The following TUBE1 variants were observed in gnomAD, a reference collection of about 807,000 sequenced individuals.
TUBE1 encodes tubulin epsilon 1.
In TUBE1, 34 loss-of-function variants were observed where a neutral mutation model predicts 53.5. The ratio of observed to expected loss-of-function variants is 0.64; its 90% CI spans 0.48 to 0.85. The LOEUF (loss-of-function observed/expected upper bound fraction) is 0.85. TUBE1 is among the 40% of genes least tolerant of loss of function. The probability of loss-of-function intolerance (pLI) is 0.00; values close to 1 mark genes in which losing one functional copy is unlikely to be tolerated. For missense variants in TUBE1, 532 were observed against 570.5 expected, an observed-to-expected ratio of 0.93 and a Z score of 0.69; for synonymous variants, 177 against 198.4, an observed-to-expected ratio of 0.89 and a Z score of 0.91.
At chr6:112,074,661 T>A (rs782128167) in intron 9 of TUBE1, 49 bp downstream of exon 9, 17 of 1,364,040 alleles carry the variant, frequency 1.2e-5, no homozygotes, top group African/African-American at 3.0e-5. Context: ...AAAAATGTTT[T>A]TTAAAGTAAT....
chr6:112,080,745 G>T (rs1431262727), intron 5 of TUBE1, among the ~76,000 whole-genome samples: 1 of 151,992 alleles, frequency 6.6e-6, no homozygotes, highest in African/African-American at 2.4e-5. Context: ...TCTACCAATT[G>T]TATTACATCT....
At chr6:112,078,649 AG>A (rs1777014990) in intron 6 of TUBE1, 1 of 152,078 alleles carries the variant, frequency 6.6e-6, no homozygotes, top group Admixed American at 6.5e-5. Flanking sequence ...GTGAATTGTA[AG>A]TATGTTCTTC....
At chr6:112,074,142 C>T (rs1776915429) in intron 9 of TUBE1, among the ~76,000 whole-genome samples, 1 of 152,174 alleles carries the variant, frequency 6.6e-6, no homozygotes, top group Non-Finnish European at 1.5e-5. Flanking sequence ...TTTTCAAGCT[C>T]ATCATCAGTA....
At chr6:112,073,033 T>A in intron 9 of TUBE1, 135 bp from the exon 10 acceptor site, 1 of 504,140 alleles carries the variant, frequency 2.0e-6, no homozygotes, top group Non-Finnish European at 3.0e-6. Flanking sequence ...TTATATATAT[T>A]CTAAAAATAT....
intron 3 of TUBE1, chr6:112,085,694 T>C (rs782708570): frequency 2.1e-6 from 1 of 471,672 alleles, no homozygotes; most frequent in Non-Finnish European, 4.4e-6. Context: ...TCTGATTCCA[T>C]GGTCACCAAG....
At chr6:112,078,368 A>G (rs1777008432) in intron 6 of TUBE1, 1 of 152,082 alleles carries the variant, frequency 6.6e-6, no homozygotes, top group Non-Finnish European at 1.5e-5. Context: ...TTTAAACTGT[A>G]TAATTGATTC....
At position 112,071,058 on chromosome 6, in the gene TUBE1, T is replaced by G. The variant is rs1554315223; in HGVS notation, c.*354A>C. 6.6e-6 allele frequency: 1 copy of G among 151,900 alleles called. No individual in the cohort carries two copies. Among genetic ancestry groups the G allele is most frequent in the African/African-American group, 2.4e-5 (1 of 41,432 alleles). 9.4% of individuals were successfully genotyped at this position (151,900 alleles called of 1,614,324 possible). A position where few individuals can be genotyped will look rare whatever the true frequency, so the allele number is the denominator to read the frequency against. ...TTAAATAGAATATCAAAATATAAAT[T>G]ATAAATAATTATAAAAATATATCTG... On this transcript the variant is annotated 3_prime_UTR_variant, in exon 12 of 12. Transcript: ENST00000368662.
rs1554317525 is a variant in TUBE1, at chr6:112,087,308, T to C, written c.26-2A>G. The stretch of plus-strand genomic sequence containing the variant: ...CGATCTGGTTTCCGCACTGGCCGAC[T>C]GCGACCGGAGGAGAGGAAGGAAAGA... On this transcript the variant is annotated splice_acceptor_variant, in intron 1 of 11. Coordinates refer to ENST00000368662, the MANE Select transcript of TUBE1 (RefSeq NM_016262.5). LOFTEE classifies it high-confidence loss of function. 1.3e-6 allele frequency: 2 copies of C among 1,552,456 alleles called. No homozygotes were observed. The highest frequency in any genetic ancestry group is 1.7e-6 in the Non-Finnish European group (2 of 1,147,358).
chr6:112,084,595 C>T (rs1777119568), intron 3 of TUBE1, among the ~76,000 whole-genome samples: 1 of 152,128 alleles, frequency 6.6e-6, no homozygotes, highest in Admixed American at 6.5e-5. Context: ...GATGTGATTC[C>T]TGGAGAAGAC....
intron 9 of TUBE1, 78 bp downstream of exon 9, chr6:112,074,632 T>C: frequency 4.4e-6 from 5 of 1,149,422 alleles, no homozygotes; most frequent in Non-Finnish European, 5.8e-6. Flanking sequence ...ACTAGAGTTA[T>C]TGCAAACTTT....
rs1441410858 is a variant in TUBE1 at position 112,076,401 on chromosome 6, A to G, written c.557T>C (p.Ile186Thr). The G allele has an allele frequency of 6.2e-7, 1 of 1,613,404 alleles. No individual in the cohort carries two copies. The highest frequency in any genetic ancestry group is 8.5e-7 in the Non-Finnish European group (1 of 1,179,698). The change falls in exon 7 of 12, where the codon ATA becomes ACA. Residue 186 changes from isoleucine (I) to threonine (T), a missense_variant. By Grantham distance (89) the Ile-to-Thr change is moderately conservative. Coordinates refer to ENST00000368662, the MANE Select transcript of TUBE1 (RefSeq NM_016262.5). Reference sequence around the variant, plus strand: ...CAAGATGCTATTATAAGGTGAGGTTATGACATCATCCTCACCAGAAGGATA... The same window carrying G: ...CAAGATGCTATTATAAGGTGAGGTTGTGACATCATCCTCACCAGAAGGATA... The part of the protein sequence containing the change: ...SIYPSGEDDV[I>T]TSPYNSILAM...
rs781833721 is a variant in TUBE1 at position 112,075,064 on chromosome 6, C to CTT, written c.813-216_813-215dup. 802 of 165,146 alleles carry CTT rather than the reference C, an allele frequency of 4.9e-3. 20 individuals carry two copies. Among genetic ancestry groups the CTT allele is most frequent in the Middle Eastern group, 0.016 (7 of 428 alleles). 10.2% of individuals were successfully genotyped at this position (165,146 alleles called of 1,614,324 possible). A position where few individuals can be genotyped will look rare whatever the true frequency, so the allele number is the denominator to read the frequency against. On this transcript the variant is annotated intron_variant, in intron 8 of 11. Coordinates refer to ENST00000368662, the MANE Select transcript of TUBE1 (RefSeq NM_016262.5). ...CACACAACATCTACATTTTTTTTTT[C>CTT]TTTCTTTTTTTTTTTTTTTTGAGAC...
intron 5 of TUBE1, 122 bp downstream of exon 5, chr6:112,080,970 G>A: frequency 3.8e-6 from 2 of 519,716 alleles, no homozygotes; most frequent in South Asian, 7.2e-5. Flanking sequence ...AAGGTGGTGG[G>A]CTGAAAGGCC....
chr6:112,075,845 C>T, intron 8 of TUBE1, 92 bp downstream of exon 8: 1 of 1,202,800 alleles, frequency 8.3e-7, no homozygotes, highest in South Asian at 1.6e-5. Context: ...GCAGCTTCTA[C>T]AATTTAGAAT....
rs1554317081 is a variant in TUBE1, at chr6:112,084,207, T to C, written c.192A>G (p.Ile64Met). The C allele has an allele frequency of 1.9e-6, 3 of 1,612,958 alleles. No homozygotes were observed. The highest frequency in any genetic ancestry group is 1.7e-5 in the Admixed American group (1 of 60,004). ...ATCTTACTCGTGCTTTTAAAGAACA[T>C]ATTTTTCCCTTGGAAATACTTCCAC... ...GDGGSISKGK[I>M]CSLKARAVLI... The change falls in exon 4 of 12, where the codon ATA becomes ATG. Residue 64 changes from isoleucine (I) to methionine (M), a missense_variant. Physicochemically the swap from Ile to Met is conservative, Grantham distance 10. Transcript: ENST00000368662.
chr6:112,071,102 G>C lies in TUBE1; in HGVS notation c.*310C>G, dbSNP rs587695387. The C allele has an allele frequency of 6.5e-5, 11 of 168,258 alleles. No homozygotes were observed. Among genetic ancestry groups the C allele is most frequent in the Admixed American group, 4.4e-4 (7 of 15,854 alleles). The allele number at this position is 168,258 out of a possible 1,614,324, so 10.4% of individuals were successfully genotyped here. On this transcript the variant is annotated 3_prime_UTR_variant, in exon 12 of 12. Coordinates refer to ENST00000368662, the MANE Select transcript of TUBE1 (RefSeq NM_016262.5). ...ATATCTGTACAAGATTTTTATTGAA[G>C]ACACATCAGTGCATAAATGCCTAAA...
intron 6 of TUBE1, among the ~76,000 whole-genome samples, chr6:112,078,891 T>G (rs1269720757): frequency 6.6e-6 from 1 of 152,094 alleles, no homozygotes; most frequent in South Asian, 2.1e-4. Flanking sequence ...TACATACACC[T>G]AACTTGCTGA....
chr6:112,084,011 C>T (rs2114492110), intron 4 of TUBE1, 178 bp downstream of exon 4: 1 of 594,018 alleles, frequency 1.7e-6, no homozygotes, highest in South Asian at 2.2e-5. Context: ...AAAGTATGGG[C>T]TTTTCCCCCT....
chr6:112,071,617 A>G (rs782410629), intron 11 of TUBE1, 47 bp from the exon 12 acceptor site: 2 of 1,454,008 alleles, frequency 1.4e-6, no homozygotes, highest in Non-Finnish European at 1.9e-6. Flanking sequence ...AGGAACTTTA[A>G]TACATAAGAC....
Sources: gnomAD v4.1 joint callset for allele counts (sites outside exome capture counted in the v4.1 genomes callset) on GRCh38, gnomAD v4.1.1 for gene constraint, MANE v1.5 for transcripts, NCBI Gene and HGNC (gene_info 2026-07-23, HGNC 2026-07-21) for gene names.